The following RARRES2 variants were observed in gnomAD, a reference collection of about 807,000 sequenced individuals.
RARRES2 encodes retinoic acid receptor responder protein 2.
RARRES2 carries 12 observed loss-of-function variants against 17.9 expected under a neutral mutation model. That is an observed-to-expected ratio of 0.67 (90% CI 0.43 to 1.08). RARRES2 has a LOEUF of 1.08. Among genes scored for constraint, RARRES2 ranks in the 50% least tolerant of loss-of-function variants. The pLI, the probability that RARRES2 is intolerant of heterozygous loss-of-function variation, is 0.00. For synonymous variants in RARRES2, 82 were observed against 86.8 expected, an observed-to-expected ratio of 0.94 and a Z score of 0.31; for missense variants, 220 against 210.1, an observed-to-expected ratio of 1.05 and a Z score of -0.29.
At position 150,338,987 on chromosome 7, in the gene RARRES2, C is replaced by T. The variant is rs138193154; in HGVS notation, c.374G>A (p.Arg125Gln). Reference sequence around the variant, plus strand: ...CTGTGCACCCTTGCCCCTTCTTACCCGCAGAACTTGGGTCTCTATGGGGCA... The same window carrying T: ...CTGTGCACCCTTGCCCCTTCTTACCTGCAGAACTTGGGTCTCTATGGGGCA... ...VHCPIETQVL[R>Q]EAEEHQETQC... is the part of the protein sequence containing the mutation. The change falls in exon 4 of 6, where the codon CGG becomes CAG. Residue 125 changes from arginine to glutamine, a missense_variant and splice_region_variant. Arg to Gln is a conservative substitution (Grantham distance 43). Transcript: ENST00000223271. 1.3e-4 allele frequency: 201 copies of T among 1,602,914 alleles called. No individual in the cohort carries two copies. Among genetic ancestry groups the T allele is most frequent in the Middle Eastern group, 1.7e-4 (1 of 6,056 alleles).
intron 4 of RARRES2, 41 bp from the exon 5 acceptor site, chr7:150,338,782 G>T: frequency 6.4e-7 from 1 of 1,562,906 alleles, no homozygotes; most frequent in Non-Finnish European, 8.7e-7. Context: ...TAGGAGGGGT[G>T]GGCAGTGCCA....
chr7:150,338,868 G>T, intron 4 of RARRES2, 118 bp downstream of exon 4: 7 of 1,541,032 alleles, frequency 4.5e-6, no homozygotes, highest in Non-Finnish European at 6.2e-6. Context: ...GCGCTTTCTA[G>T]CCCCCACTGC....
At chr7:150,340,816 G>T in intron 1 of RARRES2, 187 bp from the exon 2 acceptor site, 1 of 541,060 alleles carries the variant, frequency 1.8e-6, no homozygotes, top group Non-Finnish European at 3.2e-6. Flanking sequence ...GGCCCTCTCC[G>T]TTCCCTCCCA....
rs190509099 is a variant in RARRES2, at chr7:150,339,597, G to A, written c.279+503C>T. On this transcript the variant is annotated intron_variant, in intron 3 of 5. Coordinates refer to ENST00000223271, the MANE Select transcript of RARRES2 (RefSeq NM_002889.4). ...TCCTTGAGCCGACAGAGGGAACTGG[G>A]GCCTTTGCAGAACCTGTAATACAGA... 2.5e-3 allele frequency among the ~76,000 whole-genome samples: 379 copies of A among 152,268 alleles called. 1 individual carries two copies. Among genetic ancestry groups the A allele is most frequent in the African/African-American group, 8.9e-3 (368 of 41,536 alleles).
rs374281910 is a variant in RARRES2 at position 150,340,136 on chromosome 7, G to T, written c.243C>A (p.Asp81Glu). 9 of 1,614,168 alleles carry T rather than the reference G, an allele frequency of 5.6e-6. No individual in the cohort carries two copies. Among genetic ancestry groups the T allele is most frequent in the Non-Finnish European group, 6.8e-6 (8 of 1,180,022 alleles). Residue 81 changes from aspartate (D) to glutamate (E), a missense_variant, in exon 3 of 6, where the codon GAC (aspartate) becomes GAA (glutamate). Asp to Glu is a conservative substitution (Grantham distance 45). Transcript: ENST00000223271. ...KLQQTSCRKR[D>E]WKKPECKVRP... is the part of the protein sequence containing the mutation. ...TGACTTTGCACTCGGGTTTCTTCCAGTCCCTCTTCCGGCAGCTTGTCTGCT... is the reference window on the plus strand; with the variant it reads ...TGACTTTGCACTCGGGTTTCTTCCATTCCCTCTTCCGGCAGCTTGTCTGCT...
At chr7:150,340,724 G>C in intron 1 of RARRES2, 95 bp from the exon 2 acceptor site, 2 of 1,137,464 alleles carry the variant, frequency 1.8e-6, no homozygotes, top group Non-Finnish European at 2.4e-6. Context: ...AGCGGGGGCG[G>C]GGTCCAGGCC....
intron 3 of RARRES2, among the ~76,000 whole-genome samples, chr7:150,339,610 C>T (rs1016481896): frequency 3.9e-5 from 6 of 152,178 alleles, no homozygotes; most frequent in Non-Finnish European, 7.3e-5. Context: ...CTTTGCAGAA[C>T]CTGTAATACA....
At chr7:150,340,071 G>C (rs747944354) in intron 3 of RARRES2, 29 bp downstream of exon 3, 1 of 1,583,402 alleles carries the variant, frequency 6.3e-7, no homozygotes, top group African/African-American at 1.3e-5. Context: ...CCCAGCATGC[G>C]CCCATTGCTC....
At position 150,340,222 on chromosome 7, in the gene RARRES2, G is replaced by A; in HGVS notation, c.175-18C>T. 1 of 1,612,400 alleles carries A rather than the reference G, an allele frequency of 6.2e-7. No individual in the cohort carries two copies. Among genetic ancestry groups the A allele is most frequent in the Non-Finnish European group, 8.5e-7 (1 of 1,178,616 alleles). Reference sequence around the variant, plus strand: ...GGGAAGGGCTGCGGACAGACAGGCAGGCAGAGGATGGCCGGTAGCCAGCTG... The same window carrying A: ...GGGAAGGGCTGCGGACAGACAGGCAAGCAGAGGATGGCCGGTAGCCAGCTG... On this transcript the variant is annotated intron_variant, in intron 2 of 5. Coordinates refer to ENST00000223271, the MANE Select transcript of RARRES2 (RefSeq NM_002889.4).
Position 150,340,629 on chromosome 7 carries a change from C to A in RARRES2, c.-20G>T. Reference sequence around the variant, plus strand: ...TCGCATGCTTCCGTGTCACCCTGGCCCTGCGAAGCGGGTGTGCGCCCCTCA... The same window carrying A: ...TCGCATGCTTCCGTGTCACCCTGGCACTGCGAAGCGGGTGTGCGCCCCTCA... On this transcript the variant is annotated splice_region_variant and 5_prime_UTR_variant, in exon 2 of 6. Transcript: ENST00000223271. The A allele has an allele frequency of 6.7e-7, 1 of 1,485,168 alleles. No individual in the cohort carries two copies. Among genetic ancestry groups the A allele is most frequent in the East Asian group, 2.5e-5 (1 of 39,966 alleles). The allele number at this position is 1,485,168 out of a possible 1,614,324, so 92.0% of individuals were successfully genotyped here. A position where few individuals can be genotyped will look rare whatever the true frequency, so the allele number is the denominator to read the frequency against.
At chr7:150,339,835 T>C (rs576649385) in intron 3 of RARRES2, among the ~76,000 whole-genome samples, 206 of 152,240 alleles carry the variant, frequency 1.4e-3, no homozygotes, top group Non-Finnish European at 2.4e-3. Flanking sequence ...AGCCCTGCTC[T>C]GATGAAGATA....
chr7:150,338,699 G>A lies in RARRES2; in HGVS notation c.418C>T (p.Arg140Trp), dbSNP rs146345753. 112 of 1,555,390 alleles carry A rather than the reference G, an allele frequency of 7.2e-5. 2 individuals are homozygous for A. Among genetic ancestry groups the A allele is most frequent in the Admixed American group, 4.3e-4 (22 of 51,458 alleles). Residue 140 changes from arginine (R) to tryptophan (W), a missense_variant, in exon 5 of 6, where the codon CGG (arginine) becomes TGG (tryptophan). Transcript: ENST00000223271. Reference protein sequence around the residue: ...HQETQCLRVQRAGEDPHSFYF... With the variant: ...HQETQCLRVQWAGEDPHSFYF... ...AAGCTGTGGGGGTCCTCACCAGCCC[G>A]CTGCACCCTGAGGCACTGGGTCTCC... is the stretch of plus-strand genomic sequence containing the variant.
chr7:150,340,359 T>G (rs1437518288), intron 2 of RARRES2, 77 bp downstream of exon 2: 13 of 1,550,880 alleles, frequency 8.4e-6, no homozygotes, highest in Non-Finnish European at 9.6e-6. Flanking sequence ...CCCAAGCACT[T>G]CTGTCCCCCT....
Position 150,338,971 on chromosome 7 carries a change from CT to C in RARRES2, c.375+14del. Reference sequence around the variant, plus strand: ...CCAGCCCTGTCACCACCTGTGCACCCTTGCCCCTTCTTACCCGCAGAACTTG... The same window carrying C: ...CCAGCCCTGTCACCACCTGTGCACCCTGCCCCTTCTTACCCGCAGAACTTG... On this transcript the variant is annotated intron_variant, in intron 4 of 5. Coordinates refer to ENST00000223271, the MANE Select transcript of RARRES2 (RefSeq NM_002889.4). 6.3e-7 allele frequency: 1 copy of C among 1,585,906 alleles called. No homozygotes were observed. Among genetic ancestry groups the C allele is most frequent in the Non-Finnish European group, 8.7e-7 (1 of 1,154,408 alleles).
intron 4 of RARRES2, 77 bp downstream of exon 4, chr7:150,338,909 C>T (rs547940440): frequency 5.7e-5 from 87 of 1,538,760 alleles, no homozygotes; most frequent in African/African-American, 1.1e-4. Context: ...GCTTTAGCCT[C>T]GAGACCAGCC....
chr7:150,338,429 A>G lies in RARRES2; in HGVS notation c.*21T>C. On this transcript the variant is annotated 3_prime_UTR_variant, in exon 6 of 6. Transcript: ENST00000223271. ...TACCACCCGCAGCGGTCCTGGAGGC[A>G]CCACGCATCTCTAGACAAAAGGGGA... 6.6e-7 allele frequency: 1 copy of G among 1,524,838 alleles called. No individual in the cohort carries two copies. The highest frequency in any genetic ancestry group is 8.8e-7 in the Non-Finnish European group (1 of 1,140,074). The allele number at this position is 1,524,838 out of a possible 1,614,324, so 94.5% of individuals were successfully genotyped here.
At chr7:150,340,902 A>C in intron 1 of RARRES2, 1 of 334,904 alleles carries the variant, frequency 3.0e-6, no homozygotes, top group Non-Finnish European at 5.4e-6. Flanking sequence ...GTCAGTTCGC[A>C]CTCCCACCCT....
At chr7:150,339,637 C>G (rs1272520407) in intron 3 of RARRES2, among the ~76,000 whole-genome samples, 1 of 152,146 alleles carries the variant, frequency 6.6e-6, no homozygotes, top group Non-Finnish European at 1.5e-5. Flanking sequence ...AGGCCGTGCT[C>G]ACAGAGCGGG....
intron 2 of RARRES2, 59 bp from the exon 3 acceptor site, chr7:150,340,263 C>G (rs535079889): frequency 6.3e-7 from 1 of 1,588,416 alleles, no homozygotes; most frequent in Non-Finnish European, 8.6e-7. Context: ...GCAGAGCAAG[C>G]CCTGGTGTGA....
Sources: allele counts gnomAD v4.1 joint callset (sites outside exome capture counted in the v4.1 genomes callset), GRCh38; gene constraint gnomAD v4.1.1; transcripts MANE v1.5; gene names NCBI Gene and HGNC (gene_info 2026-07-23, HGNC 2026-07-21).